The following SLCO3A1 variants were observed in gnomAD, a reference collection of about 807,000 sequenced individuals.
The protein encoded by SLCO3A1 is PGE1 transporter.
In SLCO3A1, 27 loss-of-function variants were observed where a neutral mutation model predicts 63.1. The observed-to-expected ratio is 0.43, with a 90% confidence interval of 0.32 to 0.59. The LOEUF (loss-of-function observed/expected upper bound fraction) is 0.59. SLCO3A1 is among the 20% of genes least tolerant of loss of function. The pLI is 0.09. For missense variants in SLCO3A1, 773 were observed against 945.8 expected (o/e 0.82, Z 2.40); for synonymous variants, 473 against 409.9 (o/e 1.15, Z -1.86).
At chr15:91,878,380 G>A (rs982735485) in intron 1 of SLCO3A1, among the ~76,000 whole-genome samples, 2 of 152,132 alleles carry the variant, frequency 1.3e-5, no homozygotes, top group African/African-American at 4.8e-5. Flanking sequence ...GCGCCAGGGC[G>A]ATTTAGGCCT....
At chr15:91,996,911 G>A (rs1209924679) in intron 2 of SLCO3A1, among the ~76,000 whole-genome samples, 1 of 152,020 alleles carries the variant, frequency 6.6e-6, no homozygotes, top group African/African-American at 2.4e-5. Context: ...AAAACCCTAA[G>A]GGAAACTCTT....
intron 2 of SLCO3A1, among the ~76,000 whole-genome samples, chr15:92,048,260 C>T (rs1450054794): frequency 6.6e-6 from 1 of 152,122 alleles, no homozygotes; most frequent in Admixed American, 6.5e-5. Context: ...ACCTGGCACC[C>T]ACTTCTGATA....
At chr15:92,084,959 T>C (rs2047388245) in intron 2 of SLCO3A1, among the ~76,000 whole-genome samples, 1 of 151,820 alleles carries the variant, frequency 6.6e-6, no homozygotes, top group Non-Finnish European at 1.5e-5. Context: ...TGCCATGGAG[T>C]CTTCCTCTTG....
At chr15:92,016,239 AG>A (rs1567067921) in intron 2 of SLCO3A1, among the ~76,000 whole-genome samples, 2 of 63,744 alleles carry the variant, frequency 3.1e-5, no homozygotes, top group East Asian at 2.6e-3. Context: ...ATAGATAGAT[AG>A]ATAGATAGAT....
rs1897953222 is a variant in SLCO3A1 at position 91,894,442 on chromosome 15, G to C, written c.181-21551G>C. ...GTGGTGGTATCTCAGGTGAGGGGTT[G>C]ATGGTCGCCAGGTCATAGGTGGTAG... is the stretch of plus-strand genomic sequence containing the variant. On this transcript the variant is annotated intron_variant, in intron 1 of 9. Coordinates refer to ENST00000318445, the MANE Select transcript of SLCO3A1 (RefSeq NM_013272.4). This position sits in a 1 kb window ranked among gnomAD's most constrained non-coding sequence, Gnocchi z 4.8. Among the ~76,000 whole-genome samples the C allele has an allele frequency of 6.6e-6, 1 of 152,160 alleles. No homozygotes were observed. The highest frequency in any genetic ancestry group is 2.4e-5 in the African/African-American group (1 of 41,426).
At chr15:92,101,829 T>C (rs1401149846) in intron 3 of SLCO3A1, among the ~76,000 whole-genome samples, 1 of 152,160 alleles carries the variant, frequency 6.6e-6, no homozygotes. Flanking sequence ...GCAGGCGGGC[T>C]TTGGTTCTGA....
intron 2 of SLCO3A1, among the ~76,000 whole-genome samples, chr15:92,060,812 T>G (rs889912674): frequency 6.6e-6 from 1 of 152,178 alleles, no homozygotes; most frequent in East Asian, 1.9e-4. Context: ...TACTTTTTAA[T>G]AAAATTTTTA....
intron 2 of SLCO3A1, among the ~76,000 whole-genome samples, chr15:91,961,098 GACC>G (rs1900428190): frequency 6.6e-6 from 1 of 152,160 alleles, no homozygotes; most frequent in South Asian, 2.1e-4. Flanking sequence ...GCTCCGAGAG[GACC>G]CTTGACTTTA....
intron 2 of SLCO3A1, among the ~76,000 whole-genome samples, chr15:91,943,448 T>C (rs983740586): frequency 6.6e-6 from 1 of 152,212 alleles, no homozygotes; most frequent in Non-Finnish European, 1.5e-5. Flanking sequence ...CATATTTCAT[T>C]GTAGGTGTAA....
At position 92,120,469 on chromosome 15, in the gene SLCO3A1, C is replaced by G; in HGVS notation, c.1014C>G (p.Ile338Met). The change falls in exon 5 of 10, where the codon ATC (isoleucine) becomes ATG (methionine). Residue 338 changes from isoleucine to methionine, a missense_variant. This residue lies in a region of SLCO3A1 where 565 missense variants were observed against 749.8 expected (regional missense o/e 0.75). Coordinates refer to ENST00000318445, the MANE Select transcript of SLCO3A1 (RefSeq NM_013272.4). Reference protein sequence around the residue: ...SASCFQQLRVIPKVTKHLLSN... With the variant: ...SASCFQQLRVMPKVTKHLLSN... ...CTGCCTTCTGTCTCCCTGCAGTGATCCCGAAGGTCACCAAGCACCTGCTCT... is the reference window on the plus strand; with the variant it reads ...CTGCCTTCTGTCTCCCTGCAGTGATGCCGAAGGTCACCAAGCACCTGCTCT... The G allele has an allele frequency of 6.2e-7, 1 of 1,613,948 alleles. No homozygotes were observed.
At chr15:92,100,984 A>G (rs2238363) in intron 3 of SLCO3A1, among the ~76,000 whole-genome samples, 108,657 of 152,088 alleles carry the variant, frequency 0.71, 39,031 homozygotes, top group Admixed American at 0.82. Context: ...TCTGTGGCTT[A>G]TAGTTACACC....
chr15:92,045,478 T>C (rs1326234378), intron 2 of SLCO3A1, among the ~76,000 whole-genome samples: 1 of 152,194 alleles, frequency 6.6e-6, no homozygotes, highest in Non-Finnish European at 1.5e-5. Context: ...ATGACTGATA[T>C]TATGCTATTT....
intron 2 of SLCO3A1, among the ~76,000 whole-genome samples, chr15:91,998,995 A>T (rs1386341217): frequency 6.6e-6 from 1 of 152,270 alleles, no homozygotes; most frequent in East Asian, 1.9e-4. Context: ...AGGAACATGG[A>T]TGCAGCGGGA....
rs150575294 is a variant in SLCO3A1, at chr15:92,110,674, G to A, written c.1009+6132G>A. On this transcript the variant is annotated intron_variant, in intron 4 of 9. Transcript: ENST00000318445. ...CATCATAATTTTCCTTTATATGTGTGAATAATTGTCCTTTATTCACTTACT... is the reference window on the plus strand; with the variant it reads ...CATCATAATTTTCCTTTATATGTGTAAATAATTGTCCTTTATTCACTTACT... Among the ~76,000 whole-genome samples, 85 of 152,216 alleles carry A rather than the reference G, an allele frequency of 5.6e-4. 1 individual carries two copies. The highest frequency in any genetic ancestry group is 1.9e-3 in the African/African-American group (77 of 41,532).
Position 92,033,596 on chromosome 15 carries a change from A to G in SLCO3A1, c.647-61285A>G, listed in dbSNP as rs551932163. On this transcript the variant is annotated intron_variant, in intron 2 of 9. Coordinates refer to ENST00000318445, the MANE Select transcript of SLCO3A1 (RefSeq NM_013272.4). This position sits in a 1 kb window ranked among gnomAD's most constrained non-coding sequence, Gnocchi z 4.5. ...CCACAGCACACCACATGCTAGCTTA[A>G]GAGCTGTGCATACAGCAGCAAACAA... 2.0e-5 allele frequency among the ~76,000 whole-genome samples: 3 copies of G among 152,368 alleles called. No individual in the cohort carries two copies. In the East Asian group the frequency reaches 5.8e-4, roughly 29 times the overall value.
rs1474771564 is a variant in SLCO3A1 at position 91,941,659 on chromosome 15, G to T, written c.646+25201G>T. ...GGGTTTTGTACTTTTTCTTACTCGG[G>T]ATGTTTGTTTCTCTTTGTCTTTAAA... On this transcript the variant is annotated intron_variant, in intron 2 of 9. Coordinates refer to ENST00000318445, the MANE Select transcript of SLCO3A1 (RefSeq NM_013272.4). This position sits in a 1 kb window ranked among gnomAD's most constrained non-coding sequence, Gnocchi z 4.4. 1.3e-5 allele frequency: 5 copies of T among 391,344 alleles called. No individual in the cohort carries two copies. Among genetic ancestry groups the T allele is most frequent in the East Asian group, 7.9e-5 (1 of 12,706 alleles). 24.2% of individuals were successfully genotyped at this position (391,344 alleles called of 1,614,324 possible).
intron 2 of SLCO3A1, among the ~76,000 whole-genome samples, chr15:92,031,991 A>C (rs576054410): frequency 1.3e-5 from 2 of 152,146 alleles, no homozygotes; most frequent in South Asian, 4.1e-4. Context: ...CTGTAAATGG[A>C]TGTCAGTTCT....
rs12908754 is a variant in SLCO3A1 at position 91,863,280 on chromosome 15, C to G, written c.180+9192C>G. ...TCCCCCTGGAACTCAGCTGGCTGTG[C>G]TGTCAGCACCAGCTCCCCTTCTCTC... On this transcript the variant is annotated intron_variant, in intron 1 of 9. Coordinates refer to ENST00000318445, the MANE Select transcript of SLCO3A1 (RefSeq NM_013272.4). This position sits in a 1 kb window ranked among gnomAD's most constrained non-coding sequence, Gnocchi z 4.3. Among the ~76,000 whole-genome samples the G allele has an allele frequency of 0.19, 28,817 of 152,216 alleles. 3,113 individuals are homozygous for G. The highest frequency in any genetic ancestry group is 0.24 in the Non-Finnish European group (16,503 of 68,002).
At chr15:91,943,489 T>C (rs750130047) in intron 2 of SLCO3A1, among the ~76,000 whole-genome samples, 26 of 152,248 alleles carry the variant, frequency 1.7e-4, no homozygotes, top group Non-Finnish European at 2.8e-4. Context: ...TCATCTGCTA[T>C]GGACACTAGG....
Sources: allele counts gnomAD v4.1 joint callset (sites outside exome capture counted in the v4.1 genomes callset), GRCh38; gene constraint gnomAD v4.1.1; regional missense constraint gnomAD v4.1.1; non-coding constraint Gnocchi (gnomAD v3.1); transcripts MANE v1.5; gene names NCBI Gene and HGNC (gene_info 2026-07-23, HGNC 2026-07-21).